The following PLCE1 variants were observed in gnomAD, a reference collection of about 807,000 sequenced individuals.
PLCE1 encodes the protein phospholipase C epsilon 1, also known as 1-phosphatidylinositol 4,5-bisphosphate phosphodiesterase epsilon-1.
PLCE1 carries 119 observed loss-of-function variants against 242.8 expected under a neutral mutation model. The ratio of observed to expected loss-of-function variants is 0.49; its 90% CI spans 0.42 to 0.57. PLCE1 has a LOEUF of 0.57. Among genes scored for constraint, PLCE1 ranks in the 20% least tolerant of loss-of-function variants. PLCE1 has a pLI of 0.00. For synonymous variants in PLCE1, 945 were observed against 1,017.4 expected (o/e 0.93, Z 1.35); for missense variants, 2,441 against 2,788.8 (o/e 0.88, Z 2.81).
At chr10:94,261,172 C>T (rs1443682824) in intron 13 of PLCE1, among the ~76,000 whole-genome samples, 1 of 152,170 alleles carries the variant, frequency 6.6e-6, no homozygotes, top group Non-Finnish European at 1.5e-5. Context: ...CCTCCAAATC[C>T]CTGGCAGCCA....
rs2044352848 is a variant in PLCE1, at chr10:94,071,495, G to GTTTTTTTTTTTGTTTTTTTTT, written c.1206+39254_1206+39255insGTTTTTTTTTTTTTTTTTTTT. Among the ~76,000 whole-genome samples the GTTTTTTTTTTTGTTTTTTTTT allele has an allele frequency of 2.4e-5, 2 of 83,316 alleles. 1 individual carries two copies. The highest frequency in any genetic ancestry group is 1.1e-4 in the African/African-American group (2 of 18,662). 54.7% of individuals were successfully genotyped at this position (83,316 alleles called of 152,430 possible). Reference sequence around the variant, plus strand: ...GTCTGTGTGTGTGTGTTTGGTTTTCGTTTTTTTTTTTTTTTTTTTTTGAGT... The same window carrying GTTTTTTTTTTTGTTTTTTTTT: ...GTCTGTGTGTGTGTGTTTGGTTTTCGTTTTTTTTTTTGTTTTTTTTTTTTTTTTTTTTTTTTTTTTTTGAGT... On this transcript the variant is annotated intron_variant, in intron 2 of 32. Transcript: ENST00000371380.
intron 4 of PLCE1, among the ~76,000 whole-genome samples, chr10:94,199,579 A>G (rs2048929593): frequency 6.6e-6 from 1 of 152,164 alleles, no homozygotes; most frequent in Non-Finnish European, 1.5e-5. Context: ...TAGATGTTTC[A>G]TTTTTTCCCC....
At chr10:94,009,057 A>T (rs1422224099) in intron 1 of PLCE1, among the ~76,000 whole-genome samples, 2 of 152,120 alleles carry the variant, frequency 1.3e-5, no homozygotes, top group African/African-American at 2.4e-5. Context: ...GCTATAAAGA[A>T]ATAACTGAGG....
At chr10:94,093,882 A>ACCAGAGAT (rs1329128626) in intron 2 of PLCE1, among the ~76,000 whole-genome samples, 5 of 151,366 alleles carry the variant, frequency 3.3e-5, no homozygotes, top group Admixed American at 6.6e-5. Flanking sequence ...CTAGCAGTAA[A>ACCAGAGAT]CCAGAGATGT....
At chr10:94,068,866 A>C (rs1189641242) in intron 2 of PLCE1, among the ~76,000 whole-genome samples, 2 of 152,168 alleles carry the variant, frequency 1.3e-5, no homozygotes, top group Non-Finnish European at 2.9e-5. Flanking sequence ...CGACTGTATT[A>C]ATTTGTTACA....
In PLCE1 at chr10:94,087,904, G is replaced by A. The variant is rs865804215; in HGVS notation, c.1207-44270G>A. On this transcript the variant is annotated intron_variant, in intron 2 of 32. Coordinates refer to ENST00000371380, the MANE Select transcript of PLCE1 (RefSeq NM_016341.4). ...TTCCTTGCAAGGGCCTTGCATTTAG[G>A]CCAGGAGCTCGGATACTGGCACTTC... Among the ~76,000 whole-genome samples, 8 of 152,226 alleles carry A rather than the reference G, an allele frequency of 5.3e-5. No homozygotes were observed. The South Asian group carries it at 1.2e-3, about 24-fold the overall frequency.
In PLCE1 at chr10:94,152,468, G is replaced by C. The variant is rs114317791; in HGVS notation, c.1493-18712G>C. Reference sequence around the variant, plus strand: ...TTGAAAAGGGAAAATGAACAATTATGAGTTCCCTCATAAATTAAACTCTGG... The same window carrying C: ...TTGAAAAGGGAAAATGAACAATTATCAGTTCCCTCATAAATTAAACTCTGG... On this transcript the variant is annotated intron_variant, in intron 3 of 32. Transcript: ENST00000371380. Among the ~76,000 whole-genome samples the C allele has an allele frequency of 2.7e-3, 412 of 152,296 alleles. 3 individuals are homozygous for C. The highest frequency in any genetic ancestry group is 9.4e-3 in the African/African-American group (390 of 41,560).
intron 4 of PLCE1, among the ~76,000 whole-genome samples, chr10:94,209,172 A>G (rs2049256968): frequency 6.6e-6 from 1 of 152,170 alleles, no homozygotes; most frequent in Non-Finnish European, 1.5e-5. Flanking sequence ...TCTGGGTTTT[A>G]TCATTAAAAT....
intron 2 of PLCE1, among the ~76,000 whole-genome samples, chr10:94,066,308 A>G (rs2044194562): frequency 6.6e-6 from 1 of 152,208 alleles, no homozygotes; most frequent in Non-Finnish European, 1.5e-5. Flanking sequence ...ATCAGGCACA[A>G]TGCTTGGCAC....
chr10:94,195,465 G>A (rs945016644), intron 4 of PLCE1, among the ~76,000 whole-genome samples: 1 of 151,994 alleles, frequency 6.6e-6, no homozygotes, highest in Non-Finnish European at 1.5e-5. Flanking sequence ...GCAGAAGTTT[G>A]GATCTAGGAA....
intron 2 of PLCE1, among the ~76,000 whole-genome samples, chr10:94,069,692 G>C (rs1210821568): frequency 6.6e-6 from 1 of 152,170 alleles, no homozygotes; most frequent in African/African-American, 2.4e-5. Context: ...CAGAATTCAG[G>C]TTAATATCCA....
chr10:94,121,328 A>G (rs542086837), intron 2 of PLCE1, among the ~76,000 whole-genome samples: 1 of 152,330 alleles, frequency 6.6e-6, no homozygotes, highest in East Asian at 1.9e-4. Flanking sequence ...AGGTACTTCA[A>G]CAAGGGGAGC....
chr10:94,042,644 GA>G (rs1213354001), intron 2 of PLCE1, among the ~76,000 whole-genome samples: 1 of 152,176 alleles, frequency 6.6e-6, no homozygotes, highest in African/African-American at 2.4e-5. Flanking sequence ...GATGAAATGG[GA>G]GATGCAGGGA....
chr10:94,166,579 G>GGGGTGTGTGTGTGTGT (rs371145839), intron 3 of PLCE1, among the ~76,000 whole-genome samples: 1 of 145,856 alleles, frequency 6.9e-6, no homozygotes, highest in African/African-American at 2.6e-5. Flanking sequence ...AGAGAAAAAA[G>GGGGTGTGTGTGTGTGT]GTGTGTGTGT....
chr10:94,124,508 A>G (rs1381968048), intron 2 of PLCE1, among the ~76,000 whole-genome samples: 1 of 152,194 alleles, frequency 6.6e-6, no homozygotes. Flanking sequence ...AAGATAAGAA[A>G]ACTGGGGCAA....
rs1168142815 is a variant in PLCE1 at position 94,332,242 on chromosome 10, CT to C, written c.*4301del. ...CTGTCACCAAACAGATCTCTGAAAC[CT>C]TCCCTATTGCAGATGACATAGGTCT... On this transcript the variant is annotated 3_prime_UTR_variant, in exon 33 of 33. Transcript: ENST00000371380. The C allele has an allele frequency of 6.6e-6, 1 of 152,180 alleles. No homozygotes were observed. Among genetic ancestry groups the C allele is most frequent in the Non-Finnish European group, 1.5e-5 (1 of 68,036 alleles). 9.4% of individuals were successfully genotyped at this position (152,180 alleles called of 1,614,324 possible).
intron 14 of PLCE1, among the ~76,000 whole-genome samples, chr10:94,263,240 G>A (rs1281814949): frequency 1.3e-5 from 2 of 152,094 alleles, no homozygotes; most frequent in African/African-American, 2.4e-5. Context: ...TGGGCTGGGT[G>A]TGGTGGTTCA....
chr10:94,262,884 T>C, intron 14 of PLCE1, 152 bp downstream of exon 14: 1 of 713,650 alleles, frequency 1.4e-6, no homozygotes, highest in Non-Finnish European at 2.5e-6. Flanking sequence ...TTTTTTTGGG[T>C]GTTTTTGAGA....
rs183351207 is a variant in PLCE1, at chr10:94,224,103, C to T, written c.1810-3203C>T. Among the ~76,000 whole-genome samples the T allele has an allele frequency of 5.3e-5, 8 of 150,132 alleles. 1 individual carries two copies. In the South Asian group the frequency reaches 6.3e-4, roughly 12 times the overall value. The stretch of plus-strand genomic sequence containing the variant: ...GTAAACAGATGTTGGGGTGTGTGTG[C>T]GTGTGTGTGTGTGTGTGTGGTGTGT... On this transcript the variant is annotated intron_variant, in intron 4 of 32. Coordinates refer to ENST00000371380, the MANE Select transcript of PLCE1 (RefSeq NM_016341.4).
Sources: allele counts gnomAD v4.1 joint callset (sites outside exome capture counted in the v4.1 genomes callset), GRCh38; gene constraint gnomAD v4.1.1; transcripts MANE v1.5; gene names NCBI Gene and HGNC (gene_info 2026-07-23, HGNC 2026-07-21).